The following CPEB3 variants were observed in gnomAD, a reference collection of about 807,000 sequenced individuals.
CPEB3 encodes the protein cytoplasmic polyadenylation element-binding protein 3.
CPEB3 carries 20 observed loss-of-function variants against 67.2 expected under a neutral mutation model. The ratio of observed to expected loss-of-function variants is 0.30; its 90% CI spans 0.21 to 0.43. The LOEUF is 0.43. Among genes scored for constraint, CPEB3 ranks in the 20% least tolerant of loss-of-function variants. The pLI is 1.00. For missense variants in CPEB3, 746 were observed against 968.6 expected (o/e 0.77, Z 3.05); for synonymous variants, 376 against 393.1 (o/e 0.96, Z 0.51).
intron 2 of CPEB3, among the ~76,000 whole-genome samples, chr10:92,210,897 C>T (rs1411285007): frequency 1.3e-5 from 2 of 152,024 alleles, no homozygotes; most frequent in East Asian, 3.8e-4. Context: ...ATTAGCCAGG[C>T]GTGGTGGCAC....
At chr10:92,120,098 CA>C (rs34785763) in intron 6 of CPEB3, among the ~76,000 whole-genome samples, 27,088 of 45,326 alleles carry the variant, frequency 0.6, 7,205 homozygotes, top group South Asian at 0.67. Flanking sequence ...ACTAAAAATA[CA>C]AAAAAAAAAA....
chr10:92,117,564 T>C (rs1350817036), intron 6 of CPEB3, among the ~76,000 whole-genome samples: 1 of 151,548 alleles, frequency 6.6e-6, no homozygotes, highest in Non-Finnish European at 1.5e-5. Context: ...TCTCCTGACC[T>C]CATGATCCGC....
intron 2 of CPEB3, among the ~76,000 whole-genome samples, chr10:92,237,714 G>A (rs1482030374): frequency 1.3e-5 from 2 of 152,116 alleles, no homozygotes; most frequent in African/African-American, 2.4e-5. Flanking sequence ...TAGAAAAAGA[G>A]GGCCTTTCCT....
At chr10:92,123,291 T>C (rs1025721481) in intron 6 of CPEB3, among the ~76,000 whole-genome samples, 2 of 152,174 alleles carry the variant, frequency 1.3e-5, no homozygotes, top group African/African-American at 4.8e-5. Flanking sequence ...AACAAGCACC[T>C]GACCAAGGAA....
chr10:92,093,381 C>A (rs1843704805), intron 7 of CPEB3, among the ~76,000 whole-genome samples: 1 of 152,202 alleles, frequency 6.6e-6, no homozygotes, highest in Non-Finnish European at 1.5e-5. Flanking sequence ...GTGATAATTT[C>A]TTATGTGGCT....
At chr10:92,245,743 C>T (rs1852031389) in intron 1 of CPEB3, among the ~76,000 whole-genome samples, 1 of 152,046 alleles carries the variant, frequency 6.6e-6, no homozygotes, top group African/African-American at 2.4e-5. Context: ...AGTATTCTAA[C>T]TAAAATAAAA....
chr10:92,205,267 G>A (rs547912164), intron 2 of CPEB3, among the ~76,000 whole-genome samples: 2 of 152,236 alleles, frequency 1.3e-5, no homozygotes, highest in East Asian at 3.9e-4. Flanking sequence ...AGAGGAAAAT[G>A]GATGTGTATA....
At chr10:92,093,625 C>T (rs1317427785) in intron 7 of CPEB3, among the ~76,000 whole-genome samples, 1 of 151,676 alleles carries the variant, frequency 6.6e-6, no homozygotes, top group African/African-American at 2.4e-5. Context: ...GCCTTGGCCT[C>T]CCAAGTAGCT....
At chr10:92,180,570 G>A (rs1239967349) in intron 4 of CPEB3, among the ~76,000 whole-genome samples, 2 of 152,172 alleles carry the variant, frequency 1.3e-5, no homozygotes, top group South Asian at 4.1e-4. Flanking sequence ...ATCCATAAAT[G>A]AATGGGTGTG....
At chr10:92,226,029 G>A (rs527390379) in intron 2 of CPEB3, among the ~76,000 whole-genome samples, 13 of 152,252 alleles carry the variant, frequency 8.5e-5, no homozygotes, top group South Asian at 8.3e-4. Context: ...CCCAGGAGGC[G>A]GAGGTTGCAG....
intron 2 of CPEB3, chr10:92,216,800 C>G: frequency 6.2e-7 from 1 of 1,609,004 alleles, no homozygotes; most frequent in Non-Finnish European, 8.5e-7. Flanking sequence ...ATGAGGAGCT[C>G]CGGTAGCACC....
chr10:92,227,927 C>T (rs560009497), intron 2 of CPEB3, among the ~76,000 whole-genome samples: 3 of 151,596 alleles, frequency 2.0e-5, no homozygotes, highest in East Asian at 2.0e-4. Context: ...CTCACTCTGT[C>T]GCCCAGGCTG....
At chr10:92,178,759 G>A (rs752343172) in intron 4 of CPEB3, among the ~76,000 whole-genome samples, 2 of 152,098 alleles carry the variant, frequency 1.3e-5, no homozygotes, top group Non-Finnish European at 2.9e-5. Flanking sequence ...TGCTACATAT[G>A]TAAGTCACCA....
At chr10:92,219,334 A>G (rs1850587507) in intron 2 of CPEB3, among the ~76,000 whole-genome samples, 1 of 152,196 alleles carries the variant, frequency 6.6e-6, no homozygotes, top group Admixed American at 6.5e-5. Context: ...CTCTTTGCTG[A>G]AATCTTCACT....
At chr10:92,149,446 C>A (rs569047585) in intron 4 of CPEB3, among the ~76,000 whole-genome samples, 45 of 152,240 alleles carry the variant, frequency 3.0e-4, no homozygotes, top group African/African-American at 1.1e-3. Flanking sequence ...TGAACGAGAG[C>A]AGTGAAAGAG....
chr10:92,077,724 G>C (rs1300603208), intron 9 of CPEB3, among the ~76,000 whole-genome samples: 1 of 150,332 alleles, frequency 6.7e-6, no homozygotes, highest in Non-Finnish European at 1.5e-5. Flanking sequence ...GACAGGGTGA[G>C]ACCCTGTCAC....
intron 4 of CPEB3, among the ~76,000 whole-genome samples, chr10:92,147,517 A>C (rs1321742643): frequency 6.6e-6 from 1 of 152,180 alleles, no homozygotes; most frequent in African/African-American, 2.4e-5. Context: ...TTTACCATAC[A>C]AAACTCAGTG....
At chr10:92,149,518 C>T (rs970196717) in intron 4 of CPEB3, among the ~76,000 whole-genome samples, 4 of 152,158 alleles carry the variant, frequency 2.6e-5, no homozygotes, top group Non-Finnish European at 4.4e-5. Flanking sequence ...GCCAACATAA[C>T]CACAGCTCAG....
chr10:92,262,912 A>G (rs1406414884), intron 1 of CPEB3, among the ~76,000 whole-genome samples: 1 of 152,002 alleles, frequency 6.6e-6, no homozygotes, highest in African/African-American at 2.4e-5. Context: ...CTTGACTCCA[A>G]GGCTCAAGAA....
Sources: gnomAD v4.1 joint callset for allele counts (sites outside exome capture counted in the v4.1 genomes callset) on GRCh38, gnomAD v4.1.1 for gene constraint, MANE v1.5 for transcripts, NCBI Gene and HGNC (gene_info 2026-07-23, HGNC 2026-07-21) for gene names.